MAP4: variants seen among roughly 807,000 people sequenced by gnomAD.
The protein encoded by MAP4 is microtubule-associated protein 4.
In MAP4, 76 loss-of-function variants were observed where a neutral mutation model predicts 170.2. The ratio of observed to expected loss-of-function variants is 0.45; its 90% CI spans 0.37 to 0.54. MAP4 has a LOEUF of 0.54. MAP4 is among the 20% of genes least tolerant of loss of function. The pLI is 0.00. For synonymous variants in MAP4, 909 were observed against 994.5 expected, an observed-to-expected ratio of 0.91 and a Z score of 1.62; for missense variants, 2,506 against 2,748.0, an observed-to-expected ratio of 0.91 and a Z score of 1.97.
intron 3 of MAP4, among the ~76,000 whole-genome samples, chr3:47,937,741 A>G (rs989426409): frequency 1.4e-5 from 2 of 144,342 alleles, no homozygotes; most frequent in East Asian, 4.1e-4. Flanking sequence ...AGCTCACTGC[A>G]ACCTCTGCCT....
chr3:47,969,451 T>C lies in MAP4; in HGVS notation c.292+8414A>G, dbSNP rs1430342880. ...AAAAAAAAAAGGATTAGTACCATAA[T>C]AGATGGAGTTCCTTCAAATTTCCTC... On this transcript the variant is annotated intron_variant, in intron 3 of 20. Transcript: ENST00000683076. 4.0e-5 allele frequency among the ~76,000 whole-genome samples: 6 copies of C among 150,882 alleles called. No individual in the cohort carries two copies. The South Asian group carries it at 6.3e-4, about 16-fold the overall frequency.
chr3:47,872,531 G>C (rs371485097), intron 12 of MAP4, among the ~76,000 whole-genome samples: 1 of 152,152 alleles, frequency 6.6e-6, no homozygotes, highest in African/African-American at 2.4e-5. Flanking sequence ...AGGTACTGTG[G>C]GTTCAGCAGC....
intron 6 of MAP4, among the ~76,000 whole-genome samples, chr3:47,917,994 C>CTTAT (rs769556140): frequency 9.9e-5 from 15 of 152,064 alleles, no homozygotes; most frequent in East Asian, 3.9e-4. Flanking sequence ...CCACGCTGAG[C>CTTAT]TTATTTATTT....
chr3:47,880,259 A>ATTTTTTTTT (rs35700801), intron 10 of MAP4, among the ~76,000 whole-genome samples: 1 of 106,368 alleles, frequency 9.4e-6, no homozygotes, highest in African/African-American at 4.0e-5. Flanking sequence ...CACCTGGCTA[A>ATTTTTTTTT]TTTTTTTTTT....
At chr3:47,854,868 G>A (rs997767026) in intron 19 of MAP4, among the ~76,000 whole-genome samples, 7 of 152,064 alleles carry the variant, frequency 4.6e-5, no homozygotes, top group East Asian at 1.9e-4. Context: ...GACATGGGGC[G>A]GGAACCCACA....
At chr3:47,958,638 T>G (rs2100069333) in intron 3 of MAP4, among the ~76,000 whole-genome samples, 1 of 151,514 alleles carries the variant, frequency 6.6e-6, no homozygotes, top group South Asian at 2.1e-4. Flanking sequence ...TGCCTCAGCC[T>G]CCTGAGTAGC....
chr3:47,909,250 GGGAGTC>G lies in MAP4; in HGVS notation c.5165_5170del (p.Arg1722_Leu1723del). ...CTCCAAAATCTTATCTTTGGGTTCTGGGAGTCGAACACCCTTGGAAGCAGTCATTAT... is the reference window on the plus strand; with the variant it reads ...CTCCAAAATCTTATCTTTGGGTTCTGGAACACCCTTGGAAGCAGTCATTAT... On this transcript the variant is annotated inframe_deletion, in exon 9 of 21. Coordinates refer to ENST00000683076, the MANE Select transcript of MAP4 (RefSeq NM_001385682.1). The G allele has an allele frequency of 6.2e-7, 1 of 1,613,814 alleles. No homozygotes were observed. The highest frequency in any genetic ancestry group is 2.2e-5 in the East Asian group (1 of 44,886).
Position 47,916,416 on chromosome 3 carries a change from C to T in MAP4, c.1411G>A (p.Glu471Lys). Reference sequence around the variant, plus strand: ...GCCATGTCCTTGACTGGGGCCACCTCTGCTTCTAAAGGTAGTGCTTTATCC... The same window carrying T: ...GCCATGTCCTTGACTGGGGCCACCTTTGCTTCTAAAGGTAGTGCTTTATCC... ...TKDKALPLEAEVAPVKDMAQL... is the reference protein window; with the variant it reads ...TKDKALPLEAKVAPVKDMAQL... The change falls in exon 7 of 21, where the codon GAG becomes AAG. Residue 471 changes from glutamate (E) to lysine (K), a missense_variant. This residue lies in a region of MAP4 where 2,008 missense variants were observed against 2,206.0 expected (regional missense o/e 0.91). Transcript: ENST00000683076. 1 of 1,614,218 alleles carries T rather than the reference C, an allele frequency of 6.2e-7. No individual in the cohort carries two copies. Among genetic ancestry groups the T allele is most frequent in the Non-Finnish European group, 8.5e-7 (1 of 1,180,042 alleles).
intron 1 of MAP4, among the ~76,000 whole-genome samples, chr3:48,068,953 T>C (rs370856675): frequency 1.3e-5 from 2 of 152,288 alleles, no homozygotes; most frequent in East Asian, 3.9e-4. Context: ...TTTCTTCTAT[T>C]TTACTTTTTA....
intron 3 of MAP4, among the ~76,000 whole-genome samples, chr3:47,939,789 C>A (rs1278021880): frequency 6.6e-6 from 1 of 151,552 alleles, no homozygotes; most frequent in Non-Finnish European, 1.5e-5. Context: ...TTTTCCTCAC[C>A]CCTCCTGGAG....
At chr3:47,907,086 C>T (rs185522247) in intron 9 of MAP4, among the ~76,000 whole-genome samples, 49 of 152,262 alleles carry the variant, frequency 3.2e-4, no homozygotes, top group Admixed American at 9.8e-4. Flanking sequence ...CCGCCTGCCT[C>T]GGCCTCCCAA....
At position 47,927,158 on chromosome 3, in the gene MAP4, CAA is replaced by C. The variant is rs544565652; in HGVS notation, c.415+1068_415+1069del. ...AGGGTGACAGAGCAAGACTCTGTCT[CAA>C]AAAAAAAAAAAAAAGAATTGTATCT... On this transcript the variant is annotated intron_variant, in intron 4 of 20. Transcript: ENST00000683076. Among the ~76,000 whole-genome samples, 168 of 105,704 alleles carry C rather than the reference CAA, an allele frequency of 1.6e-3. 2 individuals are homozygous for C. Among genetic ancestry groups the C allele is most frequent in the Middle Eastern group, 5.6e-3 (1 of 178 alleles). 69.3% of individuals were successfully genotyped at this position (105,704 alleles called of 152,430 possible).
intron 1 of MAP4, among the ~76,000 whole-genome samples, chr3:48,086,099 T>C (rs1217492204): frequency 6.7e-6 from 1 of 150,054 alleles, no homozygotes; most frequent in Non-Finnish European, 1.5e-5. Flanking sequence ...TGTGTGTATA[T>C]ATATGTATAT....
intron 3 of MAP4, among the ~76,000 whole-genome samples, chr3:47,939,994 T>C (rs1442481254): frequency 6.6e-6 from 1 of 152,092 alleles, no homozygotes; most frequent in Non-Finnish European, 1.5e-5. Context: ...TGCACCACCA[T>C]GCCTGGCTAA....
At chr3:47,894,710 C>A (rs548637771) in intron 10 of MAP4, among the ~76,000 whole-genome samples, 3 of 151,700 alleles carry the variant, frequency 2.0e-5, no homozygotes, top group Non-Finnish European at 2.9e-5. Context: ...TAAGTATGTA[C>A]AATATGTGAG....
At chr3:47,983,353 G>T (rs1394857740) in intron 2 of MAP4, among the ~76,000 whole-genome samples, 1 of 151,968 alleles carries the variant, frequency 6.6e-6, no homozygotes, top group Non-Finnish European at 1.5e-5. Flanking sequence ...GTGACAACAG[G>T]TGTGCACCGC....
chr3:47,873,236 G>A (rs1299896235), intron 12 of MAP4, among the ~76,000 whole-genome samples: 1 of 152,236 alleles, frequency 6.6e-6, no homozygotes, highest in East Asian at 1.9e-4. Flanking sequence ...AAGTATAGAT[G>A]CTTGGCATCT....
intron 20 of MAP4, 40 bp downstream of exon 20, chr3:47,853,123 G>T: frequency 6.2e-7 from 1 of 1,612,292 alleles, no homozygotes; most frequent in East Asian, 2.2e-5. Context: ...GCCAGTGGCA[G>T]GGCCCCTGGC....
intron 1 of MAP4, among the ~76,000 whole-genome samples, chr3:48,001,034 A>G (rs1450788659): frequency 6.6e-6 from 1 of 152,236 alleles, no homozygotes; most frequent in Non-Finnish European, 1.5e-5. Flanking sequence ...ATCAGAAGTC[A>G]TCGTACCCCC....
Sources: allele counts gnomAD v4.1 joint callset (sites outside exome capture counted in the v4.1 genomes callset), GRCh38; gene constraint gnomAD v4.1.1; regional missense constraint gnomAD v4.1.1; transcripts MANE v1.5; gene names NCBI Gene and HGNC (gene_info 2026-07-23, HGNC 2026-07-21).